ERH: variants seen among roughly 807,000 people sequenced by gnomAD.
ERH encodes the protein ERH mRNA splicing and mitosis factor, also known as enhancer of rudimentary homolog.
In ERH, 1 loss-of-function variant was observed where a neutral mutation model predicts 16.8. The observed-to-expected ratio is 0.06, with a 90% CI of 0.02 to 0.28. ERH has a LOEUF of 0.28. Ranked by LOEUF, ERH falls within the 10% of genes least tolerant of loss-of-function variation. The pLI, the probability that ERH is intolerant of heterozygous loss-of-function variation, is 1.00. For synonymous variants in ERH, 43 were observed against 43.6 expected (o/e 0.99, Z 0.05); for missense variants, 42 against 127.5 (o/e 0.33, Z 3.23).
At chr14:69,381,289 A>G (rs987634789) in intron 3 of ERH, among the ~76,000 whole-genome samples, 1 of 152,226 alleles carries the variant, frequency 6.6e-6, no homozygotes, top group South Asian at 2.1e-4. Context: ...CAACAATACT[A>G]GAACAAACTT....
In ERH at chr14:69,387,918, C is replaced by A. The variant is rs574602749; in HGVS notation, c.92-835G>T. 3.1e-3 allele frequency among the ~76,000 whole-genome samples: 475 copies of A among 152,204 alleles called. 4 individuals are homozygous for A. The highest frequency in any genetic ancestry group is 0.011 in the African/African-American group (461 of 41,528). The stretch of plus-strand genomic sequence containing the variant: ...AAAATTAGCCAGGCATGGTGGCAGG[C>A]ACCTGTAGCCCCAGCTACTCGGGAG... On this transcript the variant is annotated intron_variant, in intron 2 of 3. Transcript: ENST00000557016.
At chr14:69,396,338 C>G (rs1037303391) in intron 1 of ERH, among the ~76,000 whole-genome samples, 1 of 152,234 alleles carries the variant, frequency 6.6e-6, no homozygotes, top group Non-Finnish European at 1.5e-5. Context: ...CTCAGCTCAC[C>G]GCAACCTCTG....
chr14:69,382,033 C>A (rs979921470), intron 3 of ERH, among the ~76,000 whole-genome samples: 7 of 152,170 alleles, frequency 4.6e-5, no homozygotes, highest in Non-Finnish European at 8.8e-5. Flanking sequence ...AAAAGTGAAG[C>A]AAGTTATTAG....
Position 69,380,648 on chromosome 14 carries a change from G to A in ERH, c.213-8C>T, listed in dbSNP as rs535198598. The A allele has an allele frequency of 9.9e-5, 154 of 1,558,286 alleles. 1 individual carries two copies. The highest frequency in any genetic ancestry group is 1.3e-4 in the Non-Finnish European group (142 of 1,130,900). ...TGGGTATCAGCTCGGTAACTGAGGA[G>A]AGAAAGGGAATAAGCAAAGTCACAG... On this transcript the variant is annotated splice_polypyrimidine_tract_variant and splice_region_variant and intron_variant, in intron 3 of 3. Coordinates refer to ENST00000557016, the MANE Select transcript of ERH (RefSeq NM_004450.3).
chr14:69,389,733 C>T (rs1430742527), intron 2 of ERH, among the ~76,000 whole-genome samples: 1 of 152,054 alleles, frequency 6.6e-6, no homozygotes, highest in Admixed American at 6.6e-5. Context: ...AAAAGTAGTA[C>T]AAAACGTGTA....
intron 2 of ERH, among the ~76,000 whole-genome samples, chr14:69,394,477 T>G (rs954656953): frequency 6.6e-5 from 10 of 152,188 alleles, no homozygotes; most frequent in African/African-American, 1.2e-4. Context: ...ATGCCTGTAG[T>G]CCCAGCTACT....
At position 69,390,944 on chromosome 14, in the gene ERH, ATACCT is replaced by A. The variant is rs377638194; in HGVS notation, c.92-3866_92-3862del. Among the ~76,000 whole-genome samples the A allele has an allele frequency of 3.1e-3, 477 of 152,352 alleles. 4 individuals are homozygous for A. Among genetic ancestry groups the A allele is most frequent in the African/African-American group, 0.011 (463 of 41,582 alleles). On this transcript the variant is annotated intron_variant, in intron 2 of 3. Transcript: ENST00000557016. ...GGGAATTGCAAATTAAAACAATAAG[ATACCT>A]TAGAATGGCTAAAATCTAAATCAGT...
chr14:69,385,685 C>A (rs1265090773), intron 3 of ERH, among the ~76,000 whole-genome samples: 1 of 151,318 alleles, frequency 6.6e-6, no homozygotes, highest in Non-Finnish European at 1.5e-5. Context: ...GTAATGGCCA[C>A]CTATAAATCC....
In ERH at chr14:69,390,054, A is replaced by T. The variant is rs577912682; in HGVS notation, c.92-2971T>A. On this transcript the variant is annotated intron_variant, in intron 2 of 3. Transcript: ENST00000557016. ...GATAACAGGTGTGAGCCACCACGCC[A>T]TGCAGAAAGTAAAGCCACCACACCA... Among the ~76,000 whole-genome samples, 4 of 152,292 alleles carry T rather than the reference A, an allele frequency of 2.6e-5. No individual in the cohort carries two copies. In the South Asian group the frequency reaches 8.3e-4, roughly 32 times the overall value.
At chr14:69,390,432 ACAAGCATGC>A (rs1324720987) in intron 2 of ERH, among the ~76,000 whole-genome samples, 3 of 152,214 alleles carry the variant, frequency 2.0e-5, no homozygotes, top group African/African-American at 7.2e-5. Flanking sequence ...CTGCTTTTTG[ACAAGCATGC>A]CAAAACAATT....
At chr14:69,382,861 A>T (rs1241799957) in intron 3 of ERH, among the ~76,000 whole-genome samples, 1 of 152,024 alleles carries the variant, frequency 6.6e-6, no homozygotes, top group East Asian at 1.9e-4. Context: ...GTTAACTGGC[A>T]CTTGAAAATG....
chr14:69,380,383 G>A lies in ERH; in HGVS notation c.*155C>T. 2.2e-6 allele frequency: 1 copy of A among 454,282 alleles called. No individual in the cohort carries two copies. Among genetic ancestry groups the A allele is most frequent in the Non-Finnish European group, 3.9e-6 (1 of 253,980 alleles). The allele number at this position is 454,282 out of a possible 1,614,324, so 28.1% of individuals were successfully genotyped here. ...GAGGAGGTAACGGGGGTTTCCGATT[G>A]AACAAGATCCTCACATTTCATCTAA... On this transcript the variant is annotated 3_prime_UTR_variant, in exon 4 of 4. Coordinates refer to ENST00000557016, the MANE Select transcript of ERH (RefSeq NM_004450.3).
At chr14:69,388,176 C>T (rs1462069890) in intron 2 of ERH, among the ~76,000 whole-genome samples, 1 of 152,104 alleles carries the variant, frequency 6.6e-6, no homozygotes, top group East Asian at 1.9e-4. Context: ...TTAAGAGTGC[C>T]TCTTCATAGA....
chr14:69,397,761 TAAAAA>T (rs936077543), intron 1 of ERH, among the ~76,000 whole-genome samples: 5 of 151,840 alleles, frequency 3.3e-5, no homozygotes, highest in African/African-American at 1.2e-4. Context: ...TCTGCTAAAA[TAAAAA>T]AATTAGCCGA....
intron 3 of ERH, among the ~76,000 whole-genome samples, chr14:69,385,420 A>G (rs2045885652): frequency 6.6e-6 from 1 of 152,078 alleles, no homozygotes; most frequent in Admixed American, 6.5e-5. Flanking sequence ...AGATAACTGA[A>G]GCATACAGAA....
chr14:69,392,496 C>G (rs1266178028), intron 2 of ERH, among the ~76,000 whole-genome samples: 1 of 152,002 alleles, frequency 6.6e-6, no homozygotes, highest in Non-Finnish European at 1.5e-5. Flanking sequence ...GTAAAAAGAC[C>G]AATGGTTCCC....
At chr14:69,388,419 G>T (rs1566900262) in intron 2 of ERH, among the ~76,000 whole-genome samples, 1 of 151,688 alleles carries the variant, frequency 6.6e-6, no homozygotes, top group Non-Finnish European at 1.5e-5. Flanking sequence ...GGAATGCAAT[G>T]ATGAGATCTT....
Position 69,387,098 on chromosome 14 carries a change from G to A in ERH, c.92-15C>T. On this transcript the variant is annotated splice_polypyrimidine_tract_variant and intron_variant, in intron 2 of 3. Coordinates refer to ENST00000557016, the MANE Select transcript of ERH (RefSeq NM_004450.3). ...TTTACAAACACCTAAGAAAGGATAGGAAAAAAAGCAAAATCTTACAATCGC... is the reference window on the plus strand; with the variant it reads ...TTTACAAACACCTAAGAAAGGATAGAAAAAAAAGCAAAATCTTACAATCGC... 1.2e-6 allele frequency: 2 copies of A among 1,609,794 alleles called. No individual in the cohort carries two copies. Among genetic ancestry groups the A allele is most frequent in the Non-Finnish European group, 1.7e-6 (2 of 1,177,936 alleles).
chr14:69,394,364 C>T (rs1292295804), intron 2 of ERH, among the ~76,000 whole-genome samples: 1 of 151,780 alleles, frequency 6.6e-6, no homozygotes, highest in Non-Finnish European at 1.5e-5. Flanking sequence ...TTCAACCGGC[C>T]AAGGCGGATT....
Sources: gnomAD v4.1 joint callset for allele counts (sites outside exome capture counted in the v4.1 genomes callset) on GRCh38, gnomAD v4.1.1 for gene constraint, MANE v1.5 for transcripts, NCBI Gene and HGNC (gene_info 2026-07-23, HGNC 2026-07-21) for gene names.